Variants in PACSIN2 observed in about 807,000 individuals in gnomAD.
The protein encoded by PACSIN2 is protein kinase C and casein kinase substrate in neurons 2.
A neutral mutation model predicts 63.8 loss-of-function variants in PACSIN2; 25 were observed. That is an observed-to-expected ratio of 0.39 (90% CI 0.29 to 0.55). The LOEUF (loss-of-function observed/expected upper bound fraction) is 0.55. PACSIN2 is among the 20% of genes least tolerant of loss of function. PACSIN2 has a pLI of 0.62. For missense variants in PACSIN2, 518 were observed against 646.9 expected (o/e 0.80, Z 2.16); for synonymous variants, 255 against 256.2 (o/e 1.00, Z 0.05).
rs1208978459 is a variant in PACSIN2 at position 42,983,274 on chromosome 22, G to A, written c.-78+31747C>T. On this transcript the variant is annotated intron_variant, in intron 1 of 10. Transcript: ENST00000263246. The stretch of plus-strand genomic sequence containing the variant: ...GGAGGCTGCAGTGAGTCGACAATGT[G>A]CCACTGCACTCCAGCCCAGGCAACA... Among the ~76,000 whole-genome samples the A allele has an allele frequency of 2.0e-5, 3 of 147,328 alleles. No homozygotes were observed. The East Asian group carries it at 5.9e-4, about 29-fold the overall frequency.
intron 1 of PACSIN2, among the ~76,000 whole-genome samples, chr22:42,926,473 A>C (rs903678790): frequency 6.6e-6 from 1 of 152,222 alleles, no homozygotes; most frequent in Non-Finnish European, 1.5e-5. Flanking sequence ...CTCATGGCAC[A>C]GAACTATCCA....
Position 42,891,021 on chromosome 22 carries a change from C to T in PACSIN2, c.379G>A (p.Gly127Ser), listed in dbSNP as rs775794255. 3.0e-5 allele frequency: 49 copies of T among 1,614,028 alleles called. No individual in the cohort carries two copies. The highest frequency in any genetic ancestry group is 1.3e-4 in the East Asian group (6 of 44,868). ...KEAFHKQMMG[G>S]FKETKEAEDG... ...TCAGCTTCCTTGGTCTCCTTGAAGC[C>T]GCCCATCATCTGCTTGTGAAAGGCT... Residue 127 changes from glycine (G) to serine (S), a missense_variant, in exon 4 of 11, where the codon GGC (glycine) becomes AGC (serine). By Grantham distance (56) the Gly-to-Ser change is moderately conservative. Around this residue, in one of 2 missense-constraint regions of PACSIN2, gnomAD observed 507 missense variants for 612.3 expected, o/e 0.83. Coordinates refer to ENST00000263246, the MANE Select transcript of PACSIN2 (RefSeq NM_001184970.3).
At chr22:42,952,271 C>A (rs1003393699) in intron 1 of PACSIN2, among the ~76,000 whole-genome samples, 47 of 152,172 alleles carry the variant, frequency 3.1e-4, no homozygotes, top group African/African-American at 1.1e-3. Context: ...AGCAGCACAG[C>A]AAACCAGGTA....
chr22:42,914,569 G>A (rs1249889065), intron 1 of PACSIN2, among the ~76,000 whole-genome samples: 1 of 152,102 alleles, frequency 6.6e-6, no homozygotes, highest in Non-Finnish European at 1.5e-5. Context: ...TCCTGGAGTC[G>A]CCTCACCCCA....
At chr22:42,997,367 G>A (rs1427225831) in intron 1 of PACSIN2, among the ~76,000 whole-genome samples, 1 of 152,134 alleles carries the variant, frequency 6.6e-6, no homozygotes, top group Non-Finnish European at 1.5e-5. Flanking sequence ...GACCATCCTG[G>A]CTAACATGGT....
chr22:42,970,668 T>A (rs913417045), intron 1 of PACSIN2, among the ~76,000 whole-genome samples: 1 of 152,210 alleles, frequency 6.6e-6, no homozygotes, highest in East Asian at 1.9e-4. Flanking sequence ...AGGGACAATG[T>A]GGTCTTCTTT....
At chr22:42,988,886 AT>A (rs58156104) in intron 1 of PACSIN2, among the ~76,000 whole-genome samples, 92,623 of 150,896 alleles carry the variant, frequency 0.61, 28,958 homozygotes, top group East Asian at 0.78. Context: ...GGTCAAAGAA[AT>A]TTTTTTTTTT....
chr22:42,974,794 G>C (rs184327310), intron 1 of PACSIN2, among the ~76,000 whole-genome samples: 49 of 151,332 alleles, frequency 3.2e-4, no homozygotes, highest in African/African-American at 1.1e-3. Context: ...GGAGGAGGAG[G>C]AGGAGGAGAG....
intron 1 of PACSIN2, among the ~76,000 whole-genome samples, chr22:42,954,182 G>C (rs1030341179): frequency 6.6e-5 from 10 of 152,196 alleles, no homozygotes; most frequent in African/African-American, 2.4e-4. Context: ...AGAATCACTT[G>C]AACCTGGGAG....
At chr22:42,926,446 A>G (rs535263466) in intron 1 of PACSIN2, among the ~76,000 whole-genome samples, 51 of 152,316 alleles carry the variant, frequency 3.3e-4, no homozygotes, top group African/African-American at 1.2e-3. Flanking sequence ...ACCGAAAACC[A>G]GAGGATTTCA....
chr22:42,978,013 A>T (rs1434127886), intron 1 of PACSIN2, among the ~76,000 whole-genome samples: 1 of 152,222 alleles, frequency 6.6e-6, no homozygotes, highest in African/African-American at 2.4e-5. Context: ...AAAAGACTAG[A>T]GCAATTCAGT....
chr22:42,895,044 A>T (rs1930181536), intron 2 of PACSIN2, among the ~76,000 whole-genome samples: 1 of 152,218 alleles, frequency 6.6e-6, no homozygotes, highest in South Asian at 2.1e-4. Flanking sequence ...GACCCCTGGA[A>T]GGTGGTTAGC....
intron 1 of PACSIN2, among the ~76,000 whole-genome samples, chr22:43,004,121 T>C (rs763939558): frequency 5.5e-4 from 83 of 152,290 alleles, no homozygotes; most frequent in Non-Finnish European, 1.1e-3. Flanking sequence ...ACTTACTTAT[T>C]CCAGCCAGCC....
In PACSIN2 at chr22:42,886,102, G is replaced by T. The variant is rs148299914; in HGVS notation, c.610-1541C>A. ...CCGGGAGCTCTCAGGGTACTCAGTG[G>T]CAACAAGATGCTCCACCTCTGGGCT... On this transcript the variant is annotated intron_variant, in intron 5 of 10. Transcript: ENST00000263246. Among the ~76,000 whole-genome samples, 602 of 152,226 alleles carry T rather than the reference G, an allele frequency of 4.0e-3. 4 individuals are homozygous for T. Among genetic ancestry groups the T allele is most frequent in the African/African-American group, 0.014 (586 of 41,536 alleles).
chr22:42,983,780 A>T (rs1248354777), intron 1 of PACSIN2, among the ~76,000 whole-genome samples: 1 of 150,896 alleles, frequency 6.6e-6, no homozygotes, highest in Non-Finnish European at 1.5e-5. Flanking sequence ...ACATCCCTAA[A>T]CTATGTATTG....
chr22:43,001,549 C>T (rs1923768025), intron 1 of PACSIN2, among the ~76,000 whole-genome samples: 1 of 152,244 alleles, frequency 6.6e-6, no homozygotes, highest in South Asian at 2.1e-4. Flanking sequence ...AGAGCCAGTG[C>T]AGTCAGACGA....
chr22:42,890,363 A>T (rs1417878613), intron 4 of PACSIN2, among the ~76,000 whole-genome samples: 1 of 152,198 alleles, frequency 6.6e-6, no homozygotes, highest in Non-Finnish European at 1.5e-5. Context: ...AGTGGTTAAG[A>T]GCTTGGGCTT....
chr22:43,000,377 C>T (rs773930772), intron 1 of PACSIN2, among the ~76,000 whole-genome samples: 1 of 152,206 alleles, frequency 6.6e-6, no homozygotes, highest in Admixed American at 6.5e-5. Flanking sequence ...GGTAACCCCA[C>T]GAGTTCCCAA....
In PACSIN2 at chr22:42,920,793, CTTTTTTTTTTTTTTT is replaced by C. The variant is rs745822264; in HGVS notation, c.-77-8651_-77-8637del. Among the ~76,000 whole-genome samples, 4 of 77,670 alleles carry C rather than the reference CTTTTTTTTTTTTTTT, an allele frequency of 5.1e-5. No homozygotes were observed. The Admixed American group carries it at 7.0e-4, about 14-fold the overall frequency. The allele number at this position is 77,670 out of a possible 152,430, so 51.0% of individuals were successfully genotyped here. On this transcript the variant is annotated intron_variant, in intron 1 of 10. Coordinates refer to ENST00000263246, the MANE Select transcript of PACSIN2 (RefSeq NM_001184970.3). ...GGGTCAATTATCATGAATTATCACA[CTTTTTTTTTTTTTTT>C]TTTTTTTTTTTTGAGACAGGGTCTC... is the stretch of plus-strand genomic sequence containing the variant.
Sources: gnomAD v4.1 joint callset for allele counts (sites outside exome capture counted in the v4.1 genomes callset) on GRCh38, gnomAD v4.1.1 for gene constraint, gnomAD v4.1.1 regional missense constraint, MANE v1.5 for transcripts, NCBI Gene and HGNC (gene_info 2026-07-23, HGNC 2026-07-21) for gene names.